Variants in CAPN9 observed in about 807,000 individuals in gnomAD.
The protein encoded by CAPN9 is calpain 9.
Under a neutral mutation model 92.8 loss-of-function variants are expected in CAPN9, and 81 were observed. The observed-to-expected ratio is 0.87, with a 90% CI of 0.73 to 1.05. The LOEUF is 1.05. CAPN9 is among the 50% of genes least tolerant of loss of function. CAPN9 has a pLI of 0.00. For synonymous variants in CAPN9, 304 were observed against 328.0 expected (o/e 0.93, Z 0.79); for missense variants, 848 against 866.2 (o/e 0.98, Z 0.26).
Position 230,747,695 on chromosome 1 carries a change from T to G in CAPN9, c.199T>G (p.Trp67Gly). ...YSERPQIPFV[W>G]KRPGEIVKNP... ...TGAGAGGCCGCAGATCCCCTTTGTG[T>G]GGAAACGACCAGGGGTGAGTGGGGC... The change falls in exon 1 of 20, where the codon TGG becomes GGG. Residue 67 changes from tryptophan to glycine, a missense_variant. Transcript: ENST00000271971. The G allele has an allele frequency of 6.2e-7, 1 of 1,613,982 alleles. No individual in the cohort carries two copies. The highest frequency in any genetic ancestry group is 1.3e-5 in the African/African-American group (1 of 74,998).
At chr1:230,799,098 G>A (rs1668526279) in intron 19 of CAPN9, among the ~76,000 whole-genome samples, 1 of 152,096 alleles carries the variant, frequency 6.6e-6, no homozygotes, top group African/African-American at 2.4e-5. Context: ...GCAGCCTGTG[G>A]CTCCTCCCCA....
chr1:230,772,903 G>A (rs1436022532), intron 7 of CAPN9, among the ~76,000 whole-genome samples: 1 of 152,112 alleles, frequency 6.6e-6, no homozygotes. Flanking sequence ...GGTCCCTTGG[G>A]AAGTGGACCA....
intron 3 of CAPN9, among the ~76,000 whole-genome samples, chr1:230,762,264 G>A (rs1346106609): frequency 2.0e-5 from 3 of 152,248 alleles, no homozygotes; most frequent in Admixed American, 2.0e-4. Context: ...CAGAGAACTG[G>A]GCTACAAAAC....
At chr1:230,758,808 C>T (rs1037979690) in intron 2 of CAPN9, among the ~76,000 whole-genome samples, 2 of 152,162 alleles carry the variant, frequency 1.3e-5, no homozygotes, top group Admixed American at 6.5e-5. Context: ...CTTACACAGG[C>T]GGCATCTGAG....
Position 230,755,231 on chromosome 1 carries a change from A to G in CAPN9, c.214-106A>G, listed in dbSNP as rs1665147857. 8.2e-6 allele frequency: 7 copies of G among 857,864 alleles called. No homozygotes were observed. The South Asian group carries it at 9.3e-5, about 11-fold the overall frequency. The allele number at this position is 857,864 out of a possible 1,614,324, so 53.1% of individuals were successfully genotyped here. On this transcript the variant is annotated intron_variant, in intron 1 of 19. Coordinates refer to ENST00000271971, the MANE Select transcript of CAPN9 (RefSeq NM_006615.3). ...CTCCTCAGGGAAAAGAATCAAGCAC[A>G]GGGAAAGCCCTCTGCCCCAAGAAAG...
chr1:230,762,751 G>A lies in CAPN9; in HGVS notation c.501G>A (p.Glu167=), dbSNP rs572463882. ...LVFLHSADHN[E]FWSALLEKAY... ...TCCTCCACTCTGCCGACCACAACGA[G>A]TTCTGGAGCGCCTTGCTGGAAAAAG... Residue 167 remains glutamate (E), a synonymous_variant, in exon 4 of 20, where the codon GAG becomes GAA. Coordinates refer to ENST00000271971, the MANE Select transcript of CAPN9 (RefSeq NM_006615.3). The A allele has an allele frequency of 1.2e-6, 2 of 1,614,164 alleles. No homozygotes were observed. The highest frequency in any genetic ancestry group is 1.1e-5 in the South Asian group (1 of 91,080).
At position 230,778,167 on chromosome 1, in the gene CAPN9, T is replaced by G. The variant is rs1666951137; in HGVS notation, c.954-806T>G. Among the ~76,000 whole-genome samples, 3 of 152,228 alleles carry G rather than the reference T, an allele frequency of 2.0e-5. No individual in the cohort carries two copies. In the South Asian group the frequency reaches 6.2e-4, roughly 32 times the overall value. On this transcript the variant is annotated intron_variant, in intron 8 of 19. Transcript: ENST00000271971. ...ATCTCCATCCTTCCAGTCACTCAAA[T>G]CAAACATCCTGATTCCTTTCATTCG...
intron 1 of CAPN9, among the ~76,000 whole-genome samples, chr1:230,749,592 G>C (rs897852418): frequency 2.6e-5 from 4 of 152,202 alleles, no homozygotes; most frequent in Non-Finnish European, 5.9e-5. Flanking sequence ...GGTGAGCAGA[G>C]CCCCTGGCCA....
intron 5 of CAPN9, among the ~76,000 whole-genome samples, chr1:230,768,461 C>T (rs1249778848): frequency 6.6e-6 from 1 of 152,048 alleles, no homozygotes; most frequent in Non-Finnish European, 1.5e-5. Context: ...TACAAACAGG[C>T]ACACACTTCC....
At chr1:230,795,317 G>GACTGAAGAT in intron 18 of CAPN9, 38 bp downstream of exon 18, 1 of 1,266,764 alleles carries the variant, frequency 7.9e-7, no homozygotes, top group Non-Finnish European at 1.2e-6. Flanking sequence ...ACCTCGGGGT[G>GACTGAAGAT]GCATCTTCAG....
intron 16 of CAPN9, 111 bp downstream of exon 16, chr1:230,792,605 C>T (rs2282321): frequency 0.35 from 310,647 of 898,860 alleles, 56,570 homozygotes; most frequent in Non-Finnish European, 0.37. Context: ...GAATTGTATT[C>T]GGACAGGGGA....
At chr1:230,791,990 T>C in intron 15 of CAPN9, 62 bp downstream of exon 15, 5 of 1,142,568 alleles carry the variant, frequency 4.4e-6, no homozygotes, top group Non-Finnish European at 6.7e-6. Context: ...CACAGTAGAG[T>C]AATCTTCAAT....
Position 230,763,099 on chromosome 1 carries a change from C to T in CAPN9, c.536+313C>T, listed in dbSNP as rs542901798. Among the ~76,000 whole-genome samples the T allele has an allele frequency of 7.2e-5, 11 of 152,322 alleles. No individual in the cohort carries two copies. The East Asian group carries it at 2.1e-3, about 29-fold the overall frequency. On this transcript the variant is annotated intron_variant, in intron 4 of 19. Transcript: ENST00000271971. The stretch of plus-strand genomic sequence containing the variant: ...GCTGTGCCGACAGCACTTAGTGCTT[C>T]ACACTTCCCTCGGACACTGGCATGG...
intron 2 of CAPN9, among the ~76,000 whole-genome samples, chr1:230,756,288 C>T (rs1665222701): frequency 6.7e-6 from 1 of 149,804 alleles, no homozygotes. Context: ...AGTTAATTAG[C>T]TAGACAGAGA....
intron 19 of CAPN9, among the ~76,000 whole-genome samples, chr1:230,800,958 T>C (rs562000162): frequency 6.6e-6 from 1 of 152,254 alleles, no homozygotes; most frequent in African/African-American, 2.4e-5. Flanking sequence ...GTAGCTCTCA[T>C]ACTATATACA....
intron 3 of CAPN9, among the ~76,000 whole-genome samples, chr1:230,761,039 G>A (rs1390679660): frequency 6.6e-6 from 1 of 152,144 alleles, no homozygotes; most frequent in Non-Finnish European, 1.5e-5. Flanking sequence ...GGGAGTGGAA[G>A]TGGTTGATCC....
chr1:230,778,952 T>C (rs1186835230), intron 8 of CAPN9, 21 bp from the exon 9 acceptor site: 4 of 1,607,738 alleles, frequency 2.5e-6, no homozygotes, highest in Middle Eastern at 3.4e-4. Context: ...CTGTGCATCG[T>C]GTCTCTCCGC....
rs541938534 is a variant in CAPN9 at position 230,770,188 on chromosome 1, G to C, written c.789+925G>C. On this transcript the variant is annotated intron_variant, in intron 6 of 19. Coordinates refer to ENST00000271971, the MANE Select transcript of CAPN9 (RefSeq NM_006615.3). ...TGCTCTCTGCAAACTGGAGGCCCAA[G>C]AAAGCCAGTGGTGTAGTTCTGGTCT... is the stretch of plus-strand genomic sequence containing the variant. Among the ~76,000 whole-genome samples the C allele has an allele frequency of 2.0e-5, 3 of 152,304 alleles. No homozygotes were observed. The South Asian group carries it at 6.2e-4, about 32-fold the overall frequency.
chr1:230,796,624 C>T (rs939469708), intron 18 of CAPN9, among the ~76,000 whole-genome samples: 3 of 152,126 alleles, frequency 2.0e-5, no homozygotes, highest in Non-Finnish European at 2.9e-5. Context: ...GCCAGGAAGC[C>T]GGCTTTCCCT....
Sources: allele counts gnomAD v4.1 joint callset (sites outside exome capture counted in the v4.1 genomes callset), GRCh38; gene constraint gnomAD v4.1.1; transcripts MANE v1.5; gene names NCBI Gene and HGNC (gene_info 2026-07-23, HGNC 2026-07-21).